C1orf21: variants seen among roughly 807,000 people sequenced by gnomAD.
C1orf21 encodes chromosome 1 open reading frame 21.
In C1orf21, 3 loss-of-function variants were observed where a neutral mutation model predicts 18.7. That is an observed-to-expected ratio of 0.16 (90% CI 0.07 to 0.42). The LOEUF (loss-of-function observed/expected upper bound fraction) is 0.42. Among genes scored for constraint, C1orf21 ranks in the 10% least tolerant of loss-of-function variants. The pLI, the probability that C1orf21 is intolerant of heterozygous loss-of-function variation, is 0.99. For missense variants in C1orf21, 104 were observed against 143.6 expected (o/e 0.72, Z 1.41); for synonymous variants, 41 against 46.4 (o/e 0.88, Z 0.47).
chr1:184,624,449 C>G lies in C1orf21; in HGVS notation c.*4893C>G, dbSNP rs1298861979. ...AGATACCAGATGCAACCAGAACAGGCTTTCGAGTGCTGTGATTTCTTTCCT... is the reference window on the plus strand; with the variant it reads ...AGATACCAGATGCAACCAGAACAGGGTTTCGAGTGCTGTGATTTCTTTCCT... On this transcript the variant is annotated 3_prime_UTR_variant, in exon 6 of 6. Transcript: ENST00000235307. 2.6e-5 allele frequency: 4 copies of G among 152,232 alleles called. No individual in the cohort carries two copies. The highest frequency in any genetic ancestry group is 2.6e-4 in the Admixed American group (4 of 15,280). The allele number at this position is 152,232 out of a possible 1,614,324, so 9.4% of individuals were successfully genotyped here. A position where few individuals can be genotyped will look rare whatever the true frequency, so the allele number is the denominator to read the frequency against.
At chr1:184,600,923 G>A (rs775382545) in intron 5 of C1orf21, among the ~76,000 whole-genome samples, 62 of 152,284 alleles carry the variant, frequency 4.1e-4, no homozygotes, top group Non-Finnish European at 6.9e-4. Context: ...CTTAATATAT[G>A]TGTTTGCTTA....
chr1:184,455,760 T>C (rs1053189666), intron 1 of C1orf21, among the ~76,000 whole-genome samples: 4 of 152,190 alleles, frequency 2.6e-5, no homozygotes, highest in African/African-American at 9.6e-5. Context: ...AATGGGATCA[T>C]GAATGGGTGA....
intron 1 of C1orf21, among the ~76,000 whole-genome samples, chr1:184,394,514 C>A (rs1656020270): frequency 6.6e-6 from 1 of 152,136 alleles, no homozygotes; most frequent in Admixed American, 6.6e-5. Flanking sequence ...CATATCATAG[C>A]CATTCCTAAA....
At chr1:184,406,095 T>G (rs951817309) in intron 1 of C1orf21, among the ~76,000 whole-genome samples, 2 of 152,240 alleles carry the variant, frequency 1.3e-5, no homozygotes, top group East Asian at 3.8e-4. Flanking sequence ...AATTTTATGA[T>G]CCTCTGTGTG....
intron 1 of C1orf21, among the ~76,000 whole-genome samples, chr1:184,466,517 A>G (rs1015214045): frequency 6.6e-6 from 1 of 152,204 alleles, no homozygotes; most frequent in Non-Finnish European, 1.5e-5. Flanking sequence ...AGTTCCCAAA[A>G]GTCTTGTGCA....
intron 3 of C1orf21, among the ~76,000 whole-genome samples, chr1:184,513,244 A>G (rs1469234804): frequency 1.3e-5 from 2 of 152,256 alleles, no homozygotes. Context: ...AGCAAAAGCT[A>G]TGAAGAAAAA....
intron 3 of C1orf21, among the ~76,000 whole-genome samples, chr1:184,509,149 A>G (rs1340730425): frequency 6.6e-6 from 1 of 152,148 alleles, no homozygotes; most frequent in Non-Finnish European, 1.5e-5. Context: ...TCTGCTTCAC[A>G]TGCTTATGTC....
intron 3 of C1orf21, among the ~76,000 whole-genome samples, chr1:184,521,650 A>G (rs930828971): frequency 2.6e-5 from 4 of 152,232 alleles, no homozygotes; most frequent in African/African-American, 9.6e-5. Context: ...TAGGATGGTG[A>G]AACTATTCTG....
intron 2 of C1orf21, among the ~76,000 whole-genome samples, chr1:184,489,095 T>A (rs575878721): frequency 6.6e-5 from 10 of 152,344 alleles, no homozygotes; most frequent in Non-Finnish European, 1.3e-4. Flanking sequence ...AAGTTTGTGA[T>A]AAACTGTGAT....
At chr1:184,470,734 C>T (rs1023432419) in intron 1 of C1orf21, among the ~76,000 whole-genome samples, 1 of 152,090 alleles carries the variant, frequency 6.6e-6, no homozygotes, top group African/African-American at 2.4e-5. Flanking sequence ...CAAAAATGAT[C>T]CGGGCATGGT....
intron 4 of C1orf21, among the ~76,000 whole-genome samples, chr1:184,596,155 CATGTGT>C (rs1659510333): frequency 6.6e-6 from 1 of 152,140 alleles, no homozygotes; most frequent in Non-Finnish European, 1.5e-5. Flanking sequence ...CTCTCATGTG[CATGTGT>C]ATGAGTACTG....
At chr1:184,577,090 A>G (rs1659201952) in intron 3 of C1orf21, among the ~76,000 whole-genome samples, 1 of 151,654 alleles carries the variant, frequency 6.6e-6, no homozygotes. Flanking sequence ...AATCCACGGA[A>G]CCTATAAATA....
intron 1 of C1orf21, among the ~76,000 whole-genome samples, chr1:184,419,864 G>A (rs1161638857): frequency 6.6e-6 from 1 of 152,154 alleles, no homozygotes; most frequent in Non-Finnish European, 1.5e-5. Flanking sequence ...AGGAGGCAAG[G>A]GCACAGCGCC....
rs1660035532 is a variant in C1orf21, at chr1:184,627,502, C to T, written c.*7946C>T. ...CTAAGGGGCACTGGGCCTTGCTGCA[C>T]CTTGGGGCTGACCTTTTTTGCAAAA... On this transcript the variant is annotated 3_prime_UTR_variant, in exon 6 of 6. Coordinates refer to ENST00000235307, the MANE Select transcript of C1orf21 (RefSeq NM_030806.4). 6.6e-6 allele frequency: 1 copy of T among 152,160 alleles called. No homozygotes were observed. 9.4% of individuals were successfully genotyped at this position (152,160 alleles called of 1,614,324 possible).
intron 3 of C1orf21, among the ~76,000 whole-genome samples, chr1:184,553,202 C>T (rs1384059244): frequency 2.6e-5 from 4 of 152,006 alleles, no homozygotes; most frequent in African/African-American, 4.8e-5. Flanking sequence ...AGGAAAAAAA[C>T]CATTTAGTTC....
At chr1:184,430,111 CA>C (rs1656715865) in intron 1 of C1orf21, among the ~76,000 whole-genome samples, 1 of 71,144 alleles carries the variant, frequency 1.4e-5, no homozygotes, top group African/African-American at 6.8e-5. Context: ...GACTCCGTCT[CA>C]CAAAAAAAAA....
chr1:184,586,474 G>A (rs1052516606), intron 3 of C1orf21, among the ~76,000 whole-genome samples: 3 of 151,732 alleles, frequency 2.0e-5, no homozygotes, highest in Non-Finnish European at 4.4e-5. Flanking sequence ...TAGTAGAGAC[G>A]GGGTTTCACC....
chr1:184,473,157 G>A (rs569298357), intron 1 of C1orf21, among the ~76,000 whole-genome samples: 1 of 152,322 alleles, frequency 6.6e-6, no homozygotes, highest in East Asian at 1.9e-4. Flanking sequence ...ATGATCCTAT[G>A]ACAAAGATCA....
At chr1:184,449,238 C>G (rs1657082075) in intron 1 of C1orf21, among the ~76,000 whole-genome samples, 1 of 150,660 alleles carries the variant, frequency 6.6e-6, no homozygotes, top group Non-Finnish European at 1.5e-5. Context: ...TGTGATGTCC[C>G]CCTTCCTGTG....
Sources: allele counts gnomAD v4.1 joint callset (sites outside exome capture counted in the v4.1 genomes callset), GRCh38; gene constraint gnomAD v4.1.1; transcripts MANE v1.5; gene names NCBI Gene and HGNC (gene_info 2026-07-23, HGNC 2026-07-21).